The following SLC6A12 variants were observed in gnomAD, a reference collection of about 807,000 sequenced individuals.
SLC6A12 encodes the protein sodium- and chloride-dependent betaine transporter.
A neutral mutation model predicts 73.3 loss-of-function variants in SLC6A12; 50 were observed. The ratio of observed to expected loss-of-function variants is 0.68; its 90% CI spans 0.54 to 0.86. The LOEUF (loss-of-function observed/expected upper bound fraction) is 0.86, where lower values mean the gene tolerates loss of function less well. Among genes scored for constraint, SLC6A12 ranks in the 40% least tolerant of loss-of-function variants. The pLI is 0.00. For synonymous variants in SLC6A12, 304 were observed against 309.2 expected (o/e 0.98, Z 0.18); for missense variants, 648 against 772.8 (o/e 0.84, Z 1.92).
rs755490867 is a variant in SLC6A12, at chr12:193,318, C to T, written c.1489G>A (p.Val497Met). ...GTCAGGAAGAGCCAGGAGATCTTCACCAGGGGCCATGGCCGGTAGCCAATC... is the reference window on the plus strand; with the variant it reads ...GTCAGGAAGAGCCAGGAGATCTTCATCAGGGGCCATGGCCGGTAGCCAATC... ...DMIGYRPWPLVKISWLFLTPG... is the reference protein window; with the variant it reads ...DMIGYRPWPLMKISWLFLTPG... The change falls in exon 14 of 16, where the codon GTG becomes ATG. Residue 497 changes from valine (V) to methionine (M), a missense_variant. Coordinates refer to ENST00000684302, the MANE Select transcript of SLC6A12 (RefSeq NM_001122848.3). The T allele has an allele frequency of 4.3e-6, 7 of 1,613,964 alleles. No homozygotes were observed. The South Asian group carries it at 7.7e-5, about 18-fold the overall frequency.
chr12:191,342 T>C lies in SLC6A12; in HGVS notation c.1702-131A>G. 4.3e-6 allele frequency: 3 copies of C among 697,236 alleles called. No homozygotes were observed. The East Asian group carries it at 1.0e-4, about 24-fold the overall frequency. The allele number at this position is 697,236 out of a possible 1,614,324, so 43.2% of individuals were successfully genotyped here. The stretch of plus-strand genomic sequence containing the variant: ...GCACCGCACAGTATGAGTGAGTCAA[T>C]GAATGAACCGTTTGAGGTGAGAAGG... On this transcript the variant is annotated intron_variant, in intron 15 of 15. Coordinates refer to ENST00000684302, the MANE Select transcript of SLC6A12 (RefSeq NM_001122848.3).
intron 2 of SLC6A12, among the ~76,000 whole-genome samples, chr12:211,651 T>G (rs1210324183): frequency 6.6e-6 from 1 of 152,120 alleles, no homozygotes; most frequent in Non-Finnish European, 1.5e-5. Flanking sequence ...TGAACCCAAA[T>G]GTGGATGTTG....
rs779493731 is a variant in SLC6A12, at chr12:197,421, A to G, written c.1031T>C (p.Met344Thr). Residue 344 changes from methionine to threonine, a missense_variant, in exon 10 of 16, where the codon ATG becomes ACG. By Grantham distance (81) the Met-to-Thr change is moderately conservative. Coordinates refer to ENST00000684302, the MANE Select transcript of SLC6A12 (RefSeq NM_001122848.3). ...GFVVFSILGFMSQEQGVPISE... is the reference protein window; with the variant it reads ...GFVVFSILGFTSQEQGVPISE... ...AATGGGCACCCCTTGCTCTTGGGAC[A>G]TGAAGCCCAGGATGGAGAAGACAAC... is the stretch of plus-strand genomic sequence containing the variant. 6.2e-7 allele frequency: 1 copy of G among 1,613,944 alleles called. No homozygotes were observed. Among genetic ancestry groups the G allele is most frequent in the Non-Finnish European group, 8.5e-7 (1 of 1,179,918 alleles).
chr12:200,505 CCT>C (rs1295112657), intron 7 of SLC6A12, 144 bp downstream of exon 7: 18 of 802,884 alleles, frequency 2.2e-5, no homozygotes, highest in Admixed American at 7.6e-5. Flanking sequence ...TGTGGCTCCC[CCT>C]GTTCTCACTA....
chr12:201,271 G>A (rs374199826), intron 6 of SLC6A12: 198 of 193,954 alleles, frequency 1.0e-3, no homozygotes, highest in African/African-American at 4.4e-3. Flanking sequence ...AGTCTTGCGT[G>A]GGAATGCAGG....
At chr12:190,046 C>T (rs1392361043), downstream of SLC6A12, 6 of 152,434 alleles carry the variant, frequency 3.9e-5, no homozygotes, top group Non-Finnish European at 7.3e-5. Context: ...CATAGCTCAA[C>T]AGAAACGGAG....
chr12:209,461 T>C (rs1940813394), intron 3 of SLC6A12, among the ~76,000 whole-genome samples: 1 of 152,250 alleles, frequency 6.6e-6, no homozygotes, highest in Non-Finnish European at 1.5e-5. Flanking sequence ...TCATGTTCAC[T>C]GAATGAATGA....
At chr12:191,346 T>C (rs1006620974) in intron 15 of SLC6A12, 135 bp from the exon 16 acceptor site, 3 of 675,220 alleles carry the variant, frequency 4.4e-6, no homozygotes, top group South Asian at 1.6e-4. Flanking sequence ...AGTCAATGAA[T>C]GAACCGTTTG....
chr12:189,043 G>T (rs903373040), downstream of SLC6A12, among the ~76,000 whole-genome samples: 1 of 152,256 alleles, frequency 6.6e-6, no homozygotes, highest in Non-Finnish European at 1.5e-5. Context: ...CAGGGCGAAG[G>T]AATCTGAAAG....
the SLC6A12 span, among the ~76,000 whole-genome samples, chr12:183,956 G>A: frequency 2.0e-5 from 3 of 152,000 alleles, no homozygotes; most frequent in African/African-American, 7.2e-5. Context: ...TCATGAGCCT[G>A]GTGTAATCTC....
intron 7 of SLC6A12, 87 bp downstream of exon 7, chr12:200,561 AAAG>A: frequency 4.3e-6 from 6 of 1,391,820 alleles, no homozygotes; most frequent in Non-Finnish European, 5.9e-6. Context: ...TTCTTAATAG[AAAG>A]AAATCAGTTC....
Position 191,025 on chromosome 12 carries a change from C to T in SLC6A12, c.*43G>A, listed in dbSNP as rs761941971. Reference sequence around the variant, plus strand: ...CGCTGAGAATGGAGGGTGGCCCTGACCTAGGTTCCCGGCTTAGGAGCCGCC... The same window carrying T: ...CGCTGAGAATGGAGGGTGGCCCTGATCTAGGTTCCCGGCTTAGGAGCCGCC... On this transcript the variant is annotated 3_prime_UTR_variant, in exon 16 of 16. Transcript: ENST00000684302. 12 of 1,283,262 alleles carry T rather than the reference C, an allele frequency of 9.4e-6. No individual in the cohort carries two copies. Among genetic ancestry groups the T allele is most frequent in the Non-Finnish European group, 1.2e-5 (12 of 1,005,626 alleles). 79.5% of individuals were successfully genotyped at this position (1,283,262 alleles called of 1,614,324 possible).
chr12:213,262 C>T lies in SLC6A12; in HGVS notation c.-143+660G>A, dbSNP rs533765766. ...TCCCATACACACACTGGTGCCATTT[C>T]CCGTCACGTCCCTTCGCACACACAT... On this transcript the variant is annotated intron_variant, in intron 1 of 15. Coordinates refer to ENST00000684302, the MANE Select transcript of SLC6A12 (RefSeq NM_001122848.3). The surrounding 1 kb of genome is among the most constrained non-coding windows in gnomAD (Gnocchi z 5.3). 1 of 152,730 alleles carries T rather than the reference C, an allele frequency of 6.5e-6. No individual in the cohort carries two copies. The highest frequency in any genetic ancestry group is 1.9e-4 in the East Asian group (1 of 5,188). 9.5% of individuals were successfully genotyped at this position (152,730 alleles called of 1,614,324 possible).
chr12:206,867 G>A (rs990918545), intron 3 of SLC6A12, among the ~76,000 whole-genome samples: 4 of 152,228 alleles, frequency 2.6e-5, no homozygotes, highest in Non-Finnish European at 5.9e-5. Flanking sequence ...AGGGCGTGTG[G>A]CCCACGGGAC....
At chr12:202,949 C>G in intron 4 of SLC6A12, 69 bp from the exon 5 acceptor site, 2 of 1,468,496 alleles carry the variant, frequency 1.4e-6, no homozygotes, top group Middle Eastern at 1.8e-4. Context: ...CACATAGAAG[C>G]TGCCAGTTGA....
downstream of SLC6A12, among the ~76,000 whole-genome samples, chr12:186,526 C>T (rs1350704868): frequency 6.6e-6 from 1 of 152,226 alleles, no homozygotes; most frequent in Non-Finnish European, 1.5e-5. Flanking sequence ...AGGCTGTAGT[C>T]CCTGTGTCAG....
rs985303110 is a variant in SLC6A12 at position 190,856 on chromosome 12, C to T, written c.*212G>A. ...CAGGGAGTGGCGTCCCAACATGGCACGTCCCAGTGGTGGTGTTATCAGCAA... is the reference window on the plus strand; with the variant it reads ...CAGGGAGTGGCGTCCCAACATGGCATGTCCCAGTGGTGGTGTTATCAGCAA... On this transcript the variant is annotated 3_prime_UTR_variant, in exon 16 of 16. Coordinates refer to ENST00000684302, the MANE Select transcript of SLC6A12 (RefSeq NM_001122848.3). The T allele has an allele frequency of 1.2e-4, 48 of 384,780 alleles. No homozygotes were observed. The highest frequency in any genetic ancestry group is 4.4e-4 in the African/African-American group (21 of 48,228). 23.8% of individuals were successfully genotyped at this position (384,780 alleles called of 1,614,324 possible).
In SLC6A12 at chr12:196,819, C is replaced by T. The variant is rs1339527265; in HGVS notation, c.1139G>A (p.Trp380Ter). Residue 380 changes from tryptophan (W) to a stop codon, truncating the protein, a stop_gained, in exon 11 of 16, where the codon TGG (tryptophan) becomes TAG (stop). Transcript: ENST00000684302. LOFTEE classifies it high-confidence loss of function. ...AVTMMPLSQL[W>*]SCLFFIMLIF... ...GAGCATGATAAAGAACAGGCAGGACCACAGCTGGGATAAGGGCATCATAGT... is the reference window on the plus strand; with the variant it reads ...GAGCATGATAAAGAACAGGCAGGACTACAGCTGGGATAAGGGCATCATAGT... 6.2e-7 allele frequency: 1 copy of T among 1,613,900 alleles called. No individual in the cohort carries two copies. Among genetic ancestry groups the T allele is most frequent in the Non-Finnish European group, 8.5e-7 (1 of 1,179,892 alleles).
In SLC6A12 at chr12:200,344, G is replaced by A. The variant is rs553861122; in HGVS notation, c.711+307C>T. On this transcript the variant is annotated intron_variant, in intron 7 of 15. Coordinates refer to ENST00000684302, the MANE Select transcript of SLC6A12 (RefSeq NM_001122848.3). ...AGGATGGTCTCGATCTCCTGACCTC[G>A]TGATCCGCCAGCCTCGGCCTCCCAA... 1.7e-3 allele frequency among the ~76,000 whole-genome samples: 258 copies of A among 152,046 alleles called. 1 individual carries two copies. Among genetic ancestry groups the A allele is most frequent in the African/African-American group, 5.2e-3 (216 of 41,460 alleles).
Sources: gnomAD v4.1 joint callset for allele counts (sites outside exome capture counted in the v4.1 genomes callset) on GRCh38, gnomAD v4.1.1 for gene constraint, Gnocchi (gnomAD v3.1) non-coding constraint, MANE v1.5 for transcripts, NCBI Gene and HGNC (gene_info 2026-07-23, HGNC 2026-07-21) for gene names.